Variants in XKR4 observed in about 807,000 individuals in gnomAD.
The protein encoded by XKR4 is XK-related protein 4.
Under a neutral mutation model 53.9 loss-of-function variants are expected in XKR4, and 12 were observed. That is an observed-to-expected ratio of 0.22 (90% CI 0.14 to 0.36). The LOEUF is 0.36. Among genes scored for constraint, XKR4 ranks in the 10% least tolerant of loss-of-function variants. The probability of loss-of-function intolerance (pLI) is 1.00; values close to 1 mark genes in which losing one functional copy is unlikely to be tolerated. For synonymous variants in XKR4, 354 were observed against 362.4 expected, an observed-to-expected ratio of 0.98 and a Z score of 0.26; for missense variants, 799 against 859.5, an observed-to-expected ratio of 0.93 and a Z score of 0.88.
chr8:55,264,271 C>G (rs1453676101), intron 1 of XKR4, among the ~76,000 whole-genome samples: 2 of 152,156 alleles, frequency 1.3e-5, no homozygotes, highest in Non-Finnish European at 2.9e-5. Context: ...TTCTATTTCT[C>G]CTTTGCCTTT....
chr8:55,317,989 T>C (rs985670870), intron 1 of XKR4, among the ~76,000 whole-genome samples: 2 of 152,212 alleles, frequency 1.3e-5, no homozygotes, highest in Non-Finnish European at 2.9e-5. Flanking sequence ...AGTACCACAC[T>C]GTAATTCATT....
intron 1 of XKR4, among the ~76,000 whole-genome samples, chr8:55,336,041 CAA>C (rs34885296): frequency 0.029 from 3,327 of 113,666 alleles, 114 homozygotes; most frequent in African/African-American, 0.093. Flanking sequence ...AACTCTATAC[CAA>C]AAAAAAAAAA....
intron 2 of XKR4, among the ~76,000 whole-genome samples, chr8:55,485,126 A>G (rs932052307): frequency 6.6e-6 from 1 of 152,240 alleles, no homozygotes; most frequent in African/African-American, 2.4e-5. Context: ...AACTTGATAA[A>G]TCTACAAAAA....
At chr8:55,520,118 G>A (rs1381951519) in intron 2 of XKR4, among the ~76,000 whole-genome samples, 1 of 152,168 alleles carries the variant, frequency 6.6e-6, no homozygotes, top group African/African-American at 2.4e-5. Flanking sequence ...TCTTGGCATT[G>A]GAAAAAACTG....
intron 1 of XKR4, among the ~76,000 whole-genome samples, chr8:55,314,614 A>G (rs1263824165): frequency 1.3e-5 from 2 of 152,234 alleles, no homozygotes; most frequent in Non-Finnish European, 2.9e-5. Flanking sequence ...CTTTTCTTTA[A>G]GAGTTAGAAT....
At chr8:55,461,989 T>A (rs577974907) in intron 2 of XKR4, among the ~76,000 whole-genome samples, 5 of 152,152 alleles carry the variant, frequency 3.3e-5, no homozygotes, top group Non-Finnish European at 7.3e-5. Flanking sequence ...AGACCTAATC[T>A]ACATCTACTT....
At position 55,260,679 on chromosome 8, in the gene XKR4, A is replaced by C. The variant is rs369667966; in HGVS notation, c.807-96999A>C. Among the ~76,000 whole-genome samples the C allele has an allele frequency of 4.1e-4, 62 of 152,274 alleles. 1 individual carries two copies. In the South Asian group the frequency reaches 0.013, roughly 31 times the overall value. ...CTTGAGGAGGTGGTGTCTGATTTAC[A>C]CAGGGCCCAAAGATTGGTTGGACCA... On this transcript the variant is annotated intron_variant, in intron 1 of 2. Coordinates refer to ENST00000327381, the MANE Select transcript of XKR4 (RefSeq NM_052898.2).
intron 1 of XKR4, among the ~76,000 whole-genome samples, chr8:55,165,027 G>A (rs912246188): frequency 1.8e-4 from 27 of 152,302 alleles, no homozygotes; most frequent in African/African-American, 6.3e-4. Flanking sequence ...TTATGGCCCA[G>A]TGGCAGAAAG....
chr8:55,134,061 A>G (rs1816593041), intron 1 of XKR4, among the ~76,000 whole-genome samples: 2 of 152,204 alleles, frequency 1.3e-5, no homozygotes. Flanking sequence ...GTTTTTAATT[A>G]CTAAATTTCA....
At chr8:55,209,924 G>A (rs1227569017) in intron 1 of XKR4, among the ~76,000 whole-genome samples, 1 of 151,968 alleles carries the variant, frequency 6.6e-6, no homozygotes, top group Non-Finnish European at 1.5e-5. Context: ...AAGTATTTGG[G>A]GCCCAAGAAG....
intron 1 of XKR4, among the ~76,000 whole-genome samples, chr8:55,168,209 C>G (rs1267368604): frequency 6.6e-6 from 1 of 152,126 alleles, no homozygotes; most frequent in African/African-American, 2.4e-5. Context: ...GCCAAACATT[C>G]CCTTTTTCTT....
intron 1 of XKR4, among the ~76,000 whole-genome samples, chr8:55,330,127 C>T (rs1803362385): frequency 6.6e-6 from 1 of 152,154 alleles, no homozygotes; most frequent in Admixed American, 6.6e-5. Flanking sequence ...TGAGCTGGAT[C>T]AGACATTACT....
intron 2 of XKR4, among the ~76,000 whole-genome samples, chr8:55,430,887 G>C (rs1160950161): frequency 6.6e-6 from 1 of 152,146 alleles, no homozygotes; most frequent in Non-Finnish European, 1.5e-5. Flanking sequence ...CCTCTTTAAA[G>C]CCTCAGGCTT....
intron 1 of XKR4, among the ~76,000 whole-genome samples, chr8:55,355,479 T>C (rs973619260): frequency 6.6e-6 from 1 of 152,100 alleles, no homozygotes; most frequent in African/African-American, 2.4e-5. Context: ...AAATTAAAAC[T>C]ACACATGGAA....
chr8:55,236,048 G>A (rs555419721), intron 1 of XKR4, among the ~76,000 whole-genome samples: 1 of 152,278 alleles, frequency 6.6e-6, no homozygotes, highest in African/African-American at 2.4e-5. Context: ...GGCTGGTGTA[G>A]TCATCACACC....
At chr8:55,459,406 C>T (rs958945786) in intron 2 of XKR4, among the ~76,000 whole-genome samples, 3 of 152,002 alleles carry the variant, frequency 2.0e-5, no homozygotes, top group Non-Finnish European at 4.4e-5. Context: ...AAGTGTGACT[C>T]ATTAAATAAT....
chr8:55,129,503 T>C (rs1418229076), intron 1 of XKR4, among the ~76,000 whole-genome samples: 1 of 117,612 alleles, frequency 8.5e-6, no homozygotes, highest in African/African-American at 3.3e-5. Flanking sequence ...CTTAACTCCT[T>C]GACTGTGGCT....
chr8:55,270,082 G>GGTGT (rs1818665039), intron 1 of XKR4, among the ~76,000 whole-genome samples: 2 of 152,162 alleles, frequency 1.3e-5, no homozygotes, highest in Admixed American at 1.3e-4. Flanking sequence ...AGGCCATTTA[G>GGTGT]GTGTATTCCA....
At chr8:55,443,848 AAAAAAAGAAAGAAAAG>A (rs1805307218) in intron 2 of XKR4, among the ~76,000 whole-genome samples, 1 of 143,882 alleles carries the variant, frequency 7.0e-6, no homozygotes. Context: ...TCAAAAAAAA[AAAAAAAGAAAGAAAAG>A]AAAAAAAAAG....
Sources: gnomAD v4.1 joint callset for allele counts (sites outside exome capture counted in the v4.1 genomes callset) on GRCh38, gnomAD v4.1.1 for gene constraint, MANE v1.5 for transcripts, NCBI Gene and HGNC (gene_info 2026-07-23, HGNC 2026-07-21) for gene names.